Variants in ADAMTSL1 observed in about 807,000 individuals in gnomAD.
ADAMTSL1 encodes ADAMTS-like protein 1.
A neutral mutation model predicts 201.8 loss-of-function variants in ADAMTSL1; 126 were observed. The observed-to-expected ratio is 0.62, with a 90% confidence interval of 0.54 to 0.72. ADAMTSL1 has a LOEUF of 0.72. Ranked by LOEUF, ADAMTSL1 falls within the 30% of genes least tolerant of loss-of-function variation. The pLI, the probability that ADAMTSL1 is intolerant of heterozygous loss-of-function variation, is 0.00. For synonymous variants in ADAMTSL1, 1,121 were observed against 903.4 expected, an observed-to-expected ratio of 1.24 and a Z score of -4.32; for missense variants, 2,679 against 2,277.8, an observed-to-expected ratio of 1.18 and a Z score of -3.59.
intron 23 of ADAMTSL1, among the ~76,000 whole-genome samples, chr9:18,854,705 C>G (rs1479639586): frequency 6.6e-6 from 1 of 152,128 alleles, no homozygotes; most frequent in East Asian, 1.9e-4. Context: ...TAGCTGGGCT[C>G]TAGAAATTAA....
chr9:18,496,021 T>C (rs1292251787), intron 1 of ADAMTSL1, among the ~76,000 whole-genome samples: 1 of 152,238 alleles, frequency 6.6e-6, no homozygotes, highest in Non-Finnish European at 1.5e-5. Flanking sequence ...AATGACATTC[T>C]TAATAATTAT....
chr9:18,455,482 C>A (rs898065677), intron 2 of ADAMTSL1, among the ~76,000 whole-genome samples: 1 of 151,834 alleles, frequency 6.6e-6, no homozygotes, highest in Admixed American at 6.6e-5. Context: ...GCATTTTGCA[C>A]TTTAATATAA....
At chr9:18,853,279 G>T (rs1826615810) in intron 23 of ADAMTSL1, among the ~76,000 whole-genome samples, 1 of 152,190 alleles carries the variant, frequency 6.6e-6, no homozygotes. Flanking sequence ...TATTAAGACA[G>T]GGGCATTGCA....
chr9:18,115,549 A>T (rs527758814), intron 1 of ADAMTSL1, among the ~76,000 whole-genome samples: 30 of 152,300 alleles, frequency 2.0e-4, no homozygotes, highest in Non-Finnish European at 3.2e-4. Context: ...AAAGGAAAAA[A>T]ATCTGTATTT....
intron 2 of ADAMTSL1, among the ~76,000 whole-genome samples, chr9:18,505,803 T>C (rs1823091319): frequency 6.6e-6 from 1 of 152,230 alleles, no homozygotes; most frequent in South Asian, 2.1e-4. Context: ...AAAAGAATTC[T>C]AGACATTTCA....
intron 2 of ADAMTSL1, among the ~76,000 whole-genome samples, chr9:18,351,288 CT>C (rs1835952519): frequency 6.7e-6 from 1 of 150,196 alleles, no homozygotes; most frequent in African/African-American, 2.4e-5. Flanking sequence ...AAAAGAAAAA[CT>C]TGTGTGTGGT....
intron 2 of ADAMTSL1, among the ~76,000 whole-genome samples, chr9:18,355,420 G>A (rs1836175877): frequency 6.6e-6 from 1 of 152,128 alleles, no homozygotes; most frequent in African/African-American, 2.4e-5. Context: ...CTGACTCAAA[G>A]ATTGGAGGTG....
At chr9:18,322,639 A>G (rs1834671577) in intron 2 of ADAMTSL1, among the ~76,000 whole-genome samples, 1 of 152,184 alleles carries the variant, frequency 6.6e-6, no homozygotes. Context: ...CTGTCTCAAC[A>G]ACAACAACAA....
At chr9:18,034,948 T>G (rs1486818599) in intron 1 of ADAMTSL1, among the ~76,000 whole-genome samples, 1 of 152,224 alleles carries the variant, frequency 6.6e-6, no homozygotes, top group Non-Finnish European at 1.5e-5. Context: ...GTCTTCACTT[T>G]CCTTTGCTAT....
In ADAMTSL1 at chr9:18,910,231, C is replaced by T. The variant is rs1333861866; in HGVS notation, c.*1683C>T. 6.6e-6 allele frequency: 1 copy of T among 151,998 alleles called. No individual in the cohort carries two copies. Among genetic ancestry groups the T allele is most frequent in the African/African-American group, 2.4e-5 (1 of 41,372 alleles). 9.4% of individuals were successfully genotyped at this position (151,998 alleles called of 1,614,324 possible). A position where few individuals can be genotyped will look rare whatever the true frequency, so the allele number is the denominator to read the frequency against. ...TTCTTCTTCACCACAAAAACAGGCT[C>T]TAAGAAATCATGTTACTAAAAAATC... is the stretch of plus-strand genomic sequence containing the variant. On this transcript the variant is annotated 3_prime_UTR_variant, in exon 29 of 29. Transcript: ENST00000380548.
chr9:18,133,626 C>T (rs768718681), intron 1 of ADAMTSL1, among the ~76,000 whole-genome samples: 1 of 151,998 alleles, frequency 6.6e-6, no homozygotes, highest in Admixed American at 6.6e-5. Flanking sequence ...AGTAATGGAC[C>T]CCATTCAAGG....
At chr9:18,745,374 G>A (rs978284647) in intron 15 of ADAMTSL1, among the ~76,000 whole-genome samples, 5 of 152,054 alleles carry the variant, frequency 3.3e-5, no homozygotes, top group South Asian at 4.2e-4. Flanking sequence ...AATTGTCCCA[G>A]ACAGGACCAG....
At chr9:18,026,111 A>T (rs1057264761) in intron 1 of ADAMTSL1, among the ~76,000 whole-genome samples, 4 of 151,968 alleles carry the variant, frequency 2.6e-5, no homozygotes, top group African/African-American at 9.7e-5. Context: ...GCCCTTTGGT[A>T]GAGTCTTTAG....
chr9:18,477,660 A>T (rs1821520605), intron 1 of ADAMTSL1, among the ~76,000 whole-genome samples: 1 of 152,206 alleles, frequency 6.6e-6, no homozygotes, highest in African/African-American at 2.4e-5. Context: ...ATTGTCTTTA[A>T]ATCAAGCTTG....
At chr9:18,507,852 C>T (rs1029386580) in intron 2 of ADAMTSL1, among the ~76,000 whole-genome samples, 1 of 152,138 alleles carries the variant, frequency 6.6e-6, no homozygotes, top group African/African-American at 2.4e-5. Context: ...CCCATTTACC[C>T]AGGGGAGACC....
intron 5 of ADAMTSL1, among the ~76,000 whole-genome samples, chr9:18,626,869 G>GTCTT (rs906544648): frequency 9.4e-6 from 1 of 106,618 alleles, no homozygotes; most frequent in South Asian, 3.3e-4. Context: ...CTTTCTTTCT[G>GTCTT]TCTTTCTTCC....
intron 20 of ADAMTSL1, among the ~76,000 whole-genome samples, chr9:18,811,776 G>A (rs935652361): frequency 1.3e-5 from 2 of 152,126 alleles, no homozygotes; most frequent in Non-Finnish European, 2.9e-5. Flanking sequence ...GGAAGAAAAG[G>A]AAATAAAAGG....
intron 3 of ADAMTSL1, among the ~76,000 whole-genome samples, chr9:18,569,518 C>G (rs1666993753): frequency 6.6e-6 from 1 of 152,098 alleles, no homozygotes; most frequent in Admixed American, 6.6e-5. Flanking sequence ...TGGAAATAGG[C>G]AGGAAACCAA....
chr9:18,012,989 C>A lies in ADAMTSL1; in HGVS notation c.87+106067C>A, dbSNP rs116130110. Among the ~76,000 whole-genome samples, 1,055 of 130,926 alleles carry A rather than the reference C, an allele frequency of 8.1e-3. 14 individuals are homozygous for A. The highest frequency in any genetic ancestry group is 0.03 in the African/African-American group (1,012 of 33,976). The allele number at this position is 130,926 out of a possible 152,430, so 85.9% of individuals were successfully genotyped here. A position where few individuals can be genotyped will look rare whatever the true frequency, so the allele number is the denominator to read the frequency against. Reference sequence around the variant, plus strand: ...TCCTTCTTACCCACCATTTACTTACCAGCATTTTTTTTTTCTTTAGCACAT... The same window carrying A: ...TCCTTCTTACCCACCATTTACTTACAAGCATTTTTTTTTTCTTTAGCACAT... On this transcript the variant is annotated intron_variant, in intron 1 of 29. Transcript: ENST00000680146.
Sources: allele counts gnomAD v4.1 joint callset (sites outside exome capture counted in the v4.1 genomes callset), GRCh38; gene constraint gnomAD v4.1.1; transcripts MANE v1.5; gene names NCBI Gene and HGNC (gene_info 2026-07-23, HGNC 2026-07-21).